Variants in IPPK observed in about 807,000 individuals in gnomAD.
IPPK encodes the protein IPK1 homolog.
IPPK carries 22 observed loss-of-function variants against 64.6 expected under a neutral mutation model. That is an observed-to-expected ratio of 0.34 (90% CI 0.24 to 0.49). The LOEUF is 0.49. Ranked by LOEUF, IPPK falls within the 20% of genes least tolerant of loss-of-function variation. The pLI is 0.99. For missense variants in IPPK, 532 were observed against 630.7 expected (o/e 0.84, Z 1.68); for synonymous variants, 262 against 247.2 (o/e 1.06, Z -0.56).
intron 7 of IPPK, among the ~76,000 whole-genome samples, chr9:92,641,768 C>G (rs1161304325): frequency 6.6e-6 from 1 of 152,194 alleles, no homozygotes; most frequent in African/African-American, 2.4e-5. Context: ...AGAGGCAGTG[C>G]TGAGCACTGA....
intron 11 of IPPK, chr9:92,619,875 G>T: frequency 2.6e-6 from 1 of 390,974 alleles, no homozygotes; most frequent in South Asian, 3.4e-5. Flanking sequence ...CACCACAGTC[G>T]GCCTTTGGAA....
chr9:92,618,650 G>GT (rs1292965863), intron 12 of IPPK: 4 of 439,450 alleles, frequency 9.1e-6, no homozygotes, highest in Non-Finnish European at 1.9e-5. Flanking sequence ...GATAACAGGA[G>GT]TTTTCAACTA....
intron 8 of IPPK, among the ~76,000 whole-genome samples, chr9:92,638,824 C>T (rs899942151): frequency 2.6e-5 from 4 of 152,218 alleles, no homozygotes; most frequent in Admixed American, 6.5e-5. Context: ...ATGCTCAAGA[C>T]GGTTCTGCCT....
At chr9:92,651,274 G>T (rs889999975) in intron 4 of IPPK, among the ~76,000 whole-genome samples, 1 of 152,194 alleles carries the variant, frequency 6.6e-6, no homozygotes, top group Non-Finnish European at 1.5e-5. Context: ...CTGTGCTCCG[G>T]GCAGAGGCAT....
intron 1 of IPPK, among the ~76,000 whole-genome samples, chr9:92,664,194 G>A (rs534636357): frequency 1.3e-5 from 2 of 152,380 alleles, no homozygotes; most frequent in East Asian, 3.9e-4. Context: ...TAGGACCGTG[G>A]AGGGAACAAG....
intron 1 of IPPK, among the ~76,000 whole-genome samples, chr9:92,666,605 G>A (rs1852602846): frequency 6.6e-6 from 1 of 152,126 alleles, no homozygotes; most frequent in East Asian, 1.9e-4. Context: ...CATGCCACAG[G>A]GTCCACACCA....
chr9:92,664,435 G>T (rs1852551973), intron 1 of IPPK, among the ~76,000 whole-genome samples: 1 of 152,224 alleles, frequency 6.6e-6, no homozygotes, highest in Admixed American at 6.5e-5. Context: ...CTGGCCCCTT[G>T]TCCAACCTGT....
intron 9 of IPPK, among the ~76,000 whole-genome samples, chr9:92,636,314 C>T (rs972505608): frequency 1.3e-5 from 2 of 152,196 alleles, no homozygotes; most frequent in Non-Finnish European, 2.9e-5. Flanking sequence ...AAAATTACAG[C>T]AGATCCATGC....
At chr9:92,647,723 T>C (rs758237696) in intron 6 of IPPK, among the ~76,000 whole-genome samples, 1 of 151,314 alleles carries the variant, frequency 6.6e-6, no homozygotes, top group Non-Finnish European at 1.5e-5. Flanking sequence ...AACTGAATTA[T>C]ATATTTAAAA....
chr9:92,620,462 A>G (rs920842313), intron 11 of IPPK: 1 of 152,184 alleles, frequency 6.6e-6, no homozygotes, highest in Admixed American at 6.5e-5. Context: ...GGACTTTCAT[A>G]TATGGTTTGC....
intron 4 of IPPK, among the ~76,000 whole-genome samples, chr9:92,652,275 C>T (rs1046936862): frequency 2.0e-5 from 3 of 151,682 alleles, no homozygotes; most frequent in Admixed American, 6.6e-5. Context: ...CGGTGAAACC[C>T]CATCTCTATT....
intron 1 of IPPK, among the ~76,000 whole-genome samples, chr9:92,667,898 G>T (rs1038835919): frequency 6.6e-6 from 1 of 151,560 alleles, no homozygotes; most frequent in African/African-American, 2.4e-5. Context: ...GCAAGACTCC[G>T]TCTCAAAAAA....
chr9:92,622,573 T>G (rs1851662280), intron 11 of IPPK, among the ~76,000 whole-genome samples: 3 of 151,878 alleles, frequency 2.0e-5, no homozygotes, highest in Admixed American at 2.0e-4. Flanking sequence ...ATAAGACCTC[T>G]CTGAAGAGAA....
chr9:92,650,815 G>A (rs1192904405), intron 4 of IPPK, among the ~76,000 whole-genome samples: 1 of 152,000 alleles, frequency 6.6e-6, no homozygotes. Context: ...CTCACATCTA[G>A]GCCCTTCCCA....
intron 4 of IPPK, among the ~76,000 whole-genome samples, chr9:92,650,605 AC>A (rs1475484721): frequency 6.6e-6 from 1 of 151,940 alleles, no homozygotes. Context: ...CCTGGACCCC[AC>A]CCCTGCACCT....
chr9:92,660,600 C>G (rs1425590873), intron 1 of IPPK, among the ~76,000 whole-genome samples: 1 of 152,222 alleles, frequency 6.6e-6, no homozygotes, highest in Non-Finnish European at 1.5e-5. Context: ...GCTTTCTCTC[C>G]ACAGAAATTC....
intron 1 of IPPK, among the ~76,000 whole-genome samples, chr9:92,669,413 T>A (rs1852677237): frequency 6.6e-6 from 1 of 152,152 alleles, no homozygotes. Context: ...GCACAGCAAT[T>A]CCGTAGTCTC....
At chr9:92,629,856 C>T (rs755071436) in intron 11 of IPPK, among the ~76,000 whole-genome samples, 9 of 152,082 alleles carry the variant, frequency 5.9e-5, no homozygotes, top group Non-Finnish European at 1.0e-4. Flanking sequence ...ACACTCTCGA[C>T]GACGGCTAAA....
At chr9:92,621,073 G>A (rs1851613015) in intron 11 of IPPK, among the ~76,000 whole-genome samples, 1 of 152,142 alleles carries the variant, frequency 6.6e-6, no homozygotes, top group Non-Finnish European at 1.5e-5. Context: ...ATGGTGAAAG[G>A]GGCTGGCTTG....
Sources: allele counts gnomAD v4.1 joint callset (sites outside exome capture counted in the v4.1 genomes callset), GRCh38; gene constraint gnomAD v4.1.1; transcripts MANE v1.5; gene names NCBI Gene and HGNC (gene_info 2026-07-23, HGNC 2026-07-21).